The following THSD7B variants were observed in gnomAD, a reference collection of about 807,000 sequenced individuals.
THSD7B encodes the protein thrombospondin type-1 domain-containing protein 7B.
Under a neutral mutation model 213.6 loss-of-function variants are expected in THSD7B, and 138 were observed. The ratio of observed to expected loss-of-function variants is 0.65; its 90% CI spans 0.56 to 0.74. THSD7B has a LOEUF of 0.74. Ranked by LOEUF, THSD7B falls within the 30% of genes least tolerant of loss-of-function variation. The pLI is 0.00. For synonymous variants in THSD7B, 742 were observed against 687.0 expected, an observed-to-expected ratio of 1.08 and a Z score of -1.25; for missense variants, 1,931 against 1,991.5, an observed-to-expected ratio of 0.97 and a Z score of 0.58.
At chr2:137,267,353 T>C (rs192741279) in intron 10 of THSD7B, among the ~76,000 whole-genome samples, 3 of 152,200 alleles carry the variant, frequency 2.0e-5, no homozygotes, top group Non-Finnish European at 2.9e-5. Flanking sequence ...ATAGGCCTAA[T>C]GAGGTTGGAA....
chr2:137,655,734 A>C, intron 22 of THSD7B, 74 bp downstream of exon 22: 1 of 1,458,048 alleles, frequency 6.9e-7, no homozygotes, highest in Non-Finnish European at 9.2e-7. Flanking sequence ...TTTCCTAGAG[A>C]TGCTCTAGCT....
intron 15 of THSD7B, among the ~76,000 whole-genome samples, chr2:137,544,368 A>G (rs546792738): frequency 1.3e-5 from 2 of 151,868 alleles, no homozygotes; most frequent in Non-Finnish European, 2.9e-5. Flanking sequence ...ATATCATTCT[A>G]TTTATATGAA....
chr2:137,163,928 C>T (rs1680067717), intron 6 of THSD7B, among the ~76,000 whole-genome samples: 1 of 152,142 alleles, frequency 6.6e-6, no homozygotes, highest in Non-Finnish European at 1.5e-5. Flanking sequence ...CCCTCCAAAC[C>T]CTAAGCTTCC....
chr2:137,614,152 G>A lies in THSD7B; in HGVS notation c.3424-2023G>A, dbSNP rs947504733. Among the ~76,000 whole-genome samples, 11 of 152,134 alleles carry A rather than the reference G, an allele frequency of 7.2e-5. No individual in the cohort carries two copies. The South Asian group carries it at 1.0e-3, about 14-fold the overall frequency. ...TCTTTATATTAATATCTAATTATCC[G>A]AAACTATATGGTATGAAATGTGGAT... On this transcript the variant is annotated intron_variant, in intron 17 of 27. Transcript: ENST00000409968.
chr2:136,866,501 T>G (rs2104977102), intron 1 of THSD7B, among the ~76,000 whole-genome samples: 1 of 152,314 alleles, frequency 6.6e-6, no homozygotes, highest in African/African-American at 2.4e-5. Flanking sequence ...AAATTCACTC[T>G]TAACTCTGAA....
chr2:136,826,613 C>T (rs1682650228), intron 1 of THSD7B, among the ~76,000 whole-genome samples: 1 of 152,152 alleles, frequency 6.6e-6, no homozygotes, highest in Non-Finnish European at 1.5e-5. Flanking sequence ...GCCTTTTGTC[C>T]TAGCAAGAGC....
intron 2 of THSD7B, among the ~76,000 whole-genome samples, chr2:136,923,748 G>A (rs1573713170): frequency 6.6e-6 from 1 of 152,224 alleles, no homozygotes; most frequent in East Asian, 1.9e-4. Context: ...CTATTCATAT[G>A]TCTCTTTTGG....
intron 17 of THSD7B, among the ~76,000 whole-genome samples, chr2:137,610,543 T>G (rs1157735934): frequency 6.6e-6 from 1 of 152,120 alleles, no homozygotes; most frequent in Non-Finnish European, 1.5e-5. Context: ...GTTTTTGAGT[T>G]TTGATCCTAC....
At chr2:136,818,541 G>T (rs1269633586) in intron 1 of THSD7B, among the ~76,000 whole-genome samples, 4 of 151,824 alleles carry the variant, frequency 2.6e-5, no homozygotes, top group African/African-American at 9.7e-5. Context: ...AAAACTTAAA[G>T]TATAATAAAA....
At chr2:137,230,897 C>T (rs1475018905) in intron 7 of THSD7B, 147 bp from the exon 8 acceptor site, 3 of 732,034 alleles carry the variant, frequency 4.1e-6, no homozygotes, top group Non-Finnish European at 6.5e-6. Flanking sequence ...GCCAAATTAT[C>T]TCCTGGCAGT....
At chr2:137,044,103 C>T (rs1227178977) in intron 2 of THSD7B, among the ~76,000 whole-genome samples, 1 of 152,180 alleles carries the variant, frequency 6.6e-6, no homozygotes, top group East Asian at 1.9e-4. Context: ...CTCAGCTTCT[C>T]CTCCTTCCTC....
intron 27 of THSD7B, among the ~76,000 whole-genome samples, chr2:137,674,185 A>G (rs1683644315): frequency 6.6e-6 from 1 of 152,092 alleles, no homozygotes; most frequent in Admixed American, 6.6e-5. Context: ...AATGCTTAGG[A>G]TTGTCTAATT....
intron 2 of THSD7B, among the ~76,000 whole-genome samples, chr2:136,988,350 C>T (rs1685703934): frequency 1.3e-5 from 2 of 152,186 alleles, no homozygotes; most frequent in African/African-American, 4.8e-5. Flanking sequence ...TGATTTTTAC[C>T]TATTGTGGAA....
chr2:137,214,172 A>G (rs936507011), intron 7 of THSD7B, among the ~76,000 whole-genome samples: 3 of 152,114 alleles, frequency 2.0e-5, no homozygotes, highest in African/African-American at 7.2e-5. Flanking sequence ...TTTTTCTCAT[A>G]TACCTTGTTT....
chr2:137,204,656 T>A (rs1680945606), intron 7 of THSD7B, among the ~76,000 whole-genome samples: 1 of 152,144 alleles, frequency 6.6e-6, no homozygotes, highest in Admixed American at 6.6e-5. Context: ...ACATATGTAT[T>A]TTTTATTGAG....
chr2:137,188,060 T>C (rs1450427281), intron 7 of THSD7B, among the ~76,000 whole-genome samples: 1 of 152,190 alleles, frequency 6.6e-6, no homozygotes, highest in Admixed American at 6.5e-5. Context: ...CTTAGCATGG[T>C]GCCTGGCTCA....
At chr2:137,219,811 CCTT>C (rs33943546) in intron 7 of THSD7B, among the ~76,000 whole-genome samples, 90,402 of 151,562 alleles carry the variant, frequency 0.6, 27,346 homozygotes, top group South Asian at 0.71. Flanking sequence ...AGCAGTCTCA[CCTT>C]CATCATGGTG....
At position 137,453,765 on chromosome 2, in the gene THSD7B, C is replaced by A. The variant is rs149948864; in HGVS notation, c.3138+2742C>A. On this transcript the variant is annotated intron_variant, in intron 15 of 27. Coordinates refer to ENST00000409968, the MANE Select transcript of THSD7B (RefSeq NM_001316349.2). Reference sequence around the variant, plus strand: ...TTTGTGCCCTTTGAGCATCATCCCCCTTCCCTCCACTTCCAGCCTCGGATA... The same window carrying A: ...TTTGTGCCCTTTGAGCATCATCCCCATTCCCTCCACTTCCAGCCTCGGATA... Among the ~76,000 whole-genome samples the A allele has an allele frequency of 3.9e-3, 599 of 152,270 alleles. 2 individuals are homozygous for A. Among genetic ancestry groups the A allele is most frequent in the Middle Eastern group, 0.027 (8 of 292 alleles).
chr2:137,529,742 C>A (rs888862873), intron 15 of THSD7B, among the ~76,000 whole-genome samples: 1 of 151,710 alleles, frequency 6.6e-6, no homozygotes, highest in Non-Finnish European at 1.5e-5. Context: ...TTAAACTGCC[C>A]TTTAGATATT....
Sources: gnomAD v4.1 joint callset for allele counts (sites outside exome capture counted in the v4.1 genomes callset) on GRCh38, gnomAD v4.1.1 for gene constraint, MANE v1.5 for transcripts, NCBI Gene and HGNC (gene_info 2026-07-23, HGNC 2026-07-21) for gene names.